NECTIN3: variants seen among roughly 807,000 people sequenced by gnomAD.
NECTIN3 encodes the protein nectin-3.
NECTIN3 carries 8 observed loss-of-function variants against 49.4 expected under a neutral mutation model. The observed-to-expected ratio is 0.16, with a 90% CI of 0.10 to 0.29. The LOEUF is 0.29. NECTIN3 is among the 10% of genes least tolerant of loss of function. The probability of loss-of-function intolerance (pLI) is 1.00; values close to 1 mark genes in which losing one functional copy is unlikely to be tolerated. For synonymous variants in NECTIN3, 277 were observed against 241.1 expected (o/e 1.15, Z -1.38); for missense variants, 581 against 654.6 (o/e 0.89, Z 1.23).
At chr3:111,190,636 C>A (rs2107538622), upstream of NECTIN3, among the ~76,000 whole-genome samples, 1 of 152,342 alleles carries the variant, frequency 6.6e-6, no homozygotes, top group South Asian at 2.1e-4. Flanking sequence ...CTGATCTCTT[C>A]AATCCCTTAT....
At chr3:111,106,818 T>G (rs1463743027) in intron 1 of NECTIN3, among the ~76,000 whole-genome samples, 2 of 152,154 alleles carry the variant, frequency 1.3e-5, no homozygotes, top group Non-Finnish European at 2.9e-5. Flanking sequence ...GAACACAGAC[T>G]AAAATAAATG....
chr3:111,151,951 AACACACAC>A (rs146582415), intron 7 of NECTIN3, among the ~76,000 whole-genome samples: 2 of 150,668 alleles, frequency 1.3e-5, no homozygotes, highest in African/African-American at 4.8e-5. Context: ...TAGACAAGAA[AACACACAC>A]ACACACACAC....
At chr3:111,160,967 A>G in intron 7 of NECTIN3, among the ~76,000 whole-genome samples, 1 of 152,230 alleles carries the variant, frequency 6.6e-6, no homozygotes, top group South Asian at 2.1e-4. Flanking sequence ...AGGTTGCGCC[A>G]CTGCACTCCA....
At chr3:111,166,366 CT>C (rs60372597) in intron 7 of NECTIN3, among the ~76,000 whole-genome samples, 19,710 of 152,150 alleles carry the variant, frequency 0.13, 2,629 homozygotes, top group African/African-American at 0.34. Context: ...CACCATGCTC[CT>C]TTTCTGATCC....
At chr3:111,092,040 A>G (rs954286467) in intron 1 of NECTIN3, among the ~76,000 whole-genome samples, 4 of 152,166 alleles carry the variant, frequency 2.6e-5, no homozygotes, top group African/African-American at 7.2e-5. Flanking sequence ...GTGATGGCTG[A>G]TGATGTTGAG....
chr3:111,082,694 G>A (rs2031690764), intron 1 of NECTIN3, among the ~76,000 whole-genome samples: 2 of 152,114 alleles, frequency 1.3e-5, no homozygotes, highest in Admixed American at 6.5e-5. Flanking sequence ...TGGGGTTAGG[G>A]GCAGTGAATG....
intron 5 of NECTIN3, among the ~76,000 whole-genome samples, chr3:111,128,336 A>T (rs997509865): frequency 2.0e-5 from 3 of 152,110 alleles, no homozygotes; most frequent in East Asian, 3.9e-4. Flanking sequence ...AAAAAAAAAA[A>T]AAATTAAAAA....
At chr3:111,187,893 G>A (rs373513975), upstream of NECTIN3, among the ~76,000 whole-genome samples, 30 of 152,280 alleles carry the variant, frequency 2.0e-4, no homozygotes, top group Non-Finnish European at 3.1e-4. Context: ...GTTAAAATCC[G>A]TTTGTTACAA....
At chr3:111,161,871 A>G (rs1287435969) in intron 7 of NECTIN3, among the ~76,000 whole-genome samples, 1 of 152,152 alleles carries the variant, frequency 6.6e-6, no homozygotes, top group Non-Finnish European at 1.5e-5. Flanking sequence ...TCTACAGTAT[A>G]TCAAGGAAGT....
At chr3:111,092,993 G>T (rs2032363694) in intron 1 of NECTIN3, among the ~76,000 whole-genome samples, 1 of 152,014 alleles carries the variant, frequency 6.6e-6, no homozygotes, top group South Asian at 2.1e-4. Flanking sequence ...ACATTGTTTT[G>T]TAATTTTCAG....
chr3:111,081,326 C>T (rs1370419140), intron 1 of NECTIN3, among the ~76,000 whole-genome samples: 1 of 152,194 alleles, frequency 6.6e-6, no homozygotes, highest in Non-Finnish European at 1.5e-5. Flanking sequence ...AAAACCACAA[C>T]CCTACAAAGC....
rs1445678621 is a variant in NECTIN3 at position 111,135,089 on chromosome 3, C to T, written c.*874C>T. On this transcript the variant is annotated 3_prime_UTR_variant, in exon 6 of 6. Transcript: ENST00000485303. ...ATGAAAAGACGCAGAGAGAGCATTT[C>T]GGAATACTGAAGTACTAGTTTTAGA... 3 of 979,460 alleles carry T rather than the reference C, an allele frequency of 3.1e-6. No individual in the cohort carries two copies. The South Asian group carries it at 1.4e-4, about 46-fold the overall frequency. 60.7% of individuals were successfully genotyped at this position (979,460 alleles called of 1,614,324 possible).
At chr3:111,176,613 A>G (rs1297413063) in intron 7 of NECTIN3, among the ~76,000 whole-genome samples, 1 of 151,960 alleles carries the variant, frequency 6.6e-6, no homozygotes, top group African/African-American at 2.4e-5. Context: ...TACCTTCTTA[A>G]CCATTATTAG....
At chr3:111,193,819 T>G (rs2035857572) in intron 1 of NECTIN3, among the ~76,000 whole-genome samples, 1 of 152,212 alleles carries the variant, frequency 6.6e-6, no homozygotes, top group Admixed American at 6.5e-5. Flanking sequence ...ACTAATTATT[T>G]AGCTGGGATT....
rs540075466 is a variant in NECTIN3 at position 111,106,914 on chromosome 3, C to A, written c.161-5116C>A. On this transcript the variant is annotated intron_variant, in intron 1 of 5. Coordinates refer to ENST00000485303, the MANE Select transcript of NECTIN3 (RefSeq NM_015480.3). ...GAACTGAAATGTCCAATATGCATGCCATTACTGTAGGCTGAGAAGTGAAAT... is the reference window on the plus strand; with the variant it reads ...GAACTGAAATGTCCAATATGCATGCAATTACTGTAGGCTGAGAAGTGAAAT... 1.1e-4 allele frequency among the ~76,000 whole-genome samples: 17 copies of A among 151,970 alleles called. No individual in the cohort carries two copies. The South Asian group carries it at 1.2e-3, about 11-fold the overall frequency.
At chr3:111,193,495 G>A (rs1037250808) in intron 1 of NECTIN3, 7 of 1,159,892 alleles carry the variant, frequency 6.0e-6, no homozygotes, top group African/African-American at 3.1e-5. Context: ...CACTCTAAGG[G>A]TATTGGAAGT....
intron 4 of NECTIN3, among the ~76,000 whole-genome samples, chr3:111,125,022 C>CTTT (rs869201432): frequency 1.8e-3 from 164 of 90,190 alleles, no homozygotes; most frequent in Non-Finnish European, 2.2e-3. Flanking sequence ...TCTTTTCTTT[C>CTTT]TTTTTTTTTT....
rs928494023 is a variant in NECTIN3 at position 111,135,065 on chromosome 3, T to C, written c.*850T>C. 12 of 981,330 alleles carry C rather than the reference T, an allele frequency of 1.2e-5. No individual in the cohort carries two copies. The African/African-American group carries it at 1.8e-4, about 14-fold the overall frequency. The allele number at this position is 981,330 out of a possible 1,614,324, so 60.8% of individuals were successfully genotyped here. A position where few individuals can be genotyped will look rare whatever the true frequency, so the allele number is the denominator to read the frequency against. On this transcript the variant is annotated 3_prime_UTR_variant, in exon 6 of 6. Transcript: ENST00000485303. The stretch of plus-strand genomic sequence containing the variant: ...TATGTCCTAAACATACTAATAGAAA[T>C]GAAAAGACGCAGAGAGAGCATTTCG...
rs2034608855 is a variant in NECTIN3 at position 111,137,178 on chromosome 3, AAC to A, written c.*2967_*2968del. The A allele has an allele frequency of 3.2e-6, 3 of 939,838 alleles. No homozygotes were observed. The highest frequency in any genetic ancestry group is 1.2e-4 in the Admixed American group (2 of 16,098). 58.2% of individuals were successfully genotyped at this position (939,838 alleles called of 1,614,324 possible). On this transcript the variant is annotated 3_prime_UTR_variant, in exon 6 of 6. Coordinates refer to ENST00000485303, the MANE Select transcript of NECTIN3 (RefSeq NM_015480.3). ...TTGAGTTTTTGATAAATACTGCTAA[AAC>A]ACAGTATATGAACAAGTAAGAAGTT...
Sources: gnomAD v4.1 joint callset for allele counts (sites outside exome capture counted in the v4.1 genomes callset) on GRCh38, gnomAD v4.1.1 for gene constraint, MANE v1.5 for transcripts, NCBI Gene and HGNC (gene_info 2026-07-23, HGNC 2026-07-21) for gene names.